Variants in LGSN observed in about 807,000 individuals in gnomAD.
LGSN encodes the protein lengsin, lens protein with glutamine synthetase domain.
In LGSN, 21 loss-of-function variants were observed where a neutral mutation model predicts 19.5. That is an observed-to-expected ratio of 1.07 (90% CI 0.76 to 1.55). The LOEUF is 1.55. LGSN is among the 40% of genes most tolerant of loss of function. The probability of loss-of-function intolerance (pLI) is 0.00; values close to 1 mark genes in which losing one functional copy is unlikely to be tolerated. For synonymous variants in LGSN, 257 were observed against 215.6 expected, an observed-to-expected ratio of 1.19 and a Z score of -1.68; for missense variants, 673 against 608.5, an observed-to-expected ratio of 1.11 and a Z score of -1.12.
At chr6:63,530,084 T>C in the LGSN span, among the ~76,000 whole-genome samples, 1 of 152,180 alleles carries the variant, frequency 6.6e-6, no homozygotes, top group Non-Finnish European at 1.5e-5. Flanking sequence ...AATAACAGTA[T>C]AGATTTCTGA....
At chr6:63,446,243 C>CAAAAAA in the LGSN span, among the ~76,000 whole-genome samples, 3 of 74,734 alleles carry the variant, frequency 4.0e-5, no homozygotes, top group Non-Finnish European at 2.4e-5. Flanking sequence ...GACTGTGTCT[C>CAAAAAA]AAAAAAAAAA....
the LGSN span, among the ~76,000 whole-genome samples, chr6:63,464,764 T>C: frequency 2.0e-5 from 3 of 151,994 alleles, no homozygotes; most frequent in South Asian, 6.2e-4. Context: ...CGGTGGCTCA[T>C]GCCTGTAATC....
chr6:63,420,301 T>C, the LGSN span, among the ~76,000 whole-genome samples: 1 of 152,208 alleles, frequency 6.6e-6, no homozygotes, highest in African/African-American at 2.4e-5. Context: ...AGTAGCCTTT[T>C]GTTTGGCAGT....
At chr6:63,456,390 T>TATATAC in the LGSN span, among the ~76,000 whole-genome samples, 5 of 125,222 alleles carry the variant, frequency 4.0e-5, no homozygotes, top group Non-Finnish European at 8.2e-5. Flanking sequence ...TATATATATA[T>TATATAC]ATACTTTTTT....
At chr6:63,550,357 CACCATTTGGT>C in the LGSN span, 2 of 152,158 alleles carry the variant, frequency 1.3e-5, no homozygotes, top group Non-Finnish European at 2.9e-5. Flanking sequence ...AGGCTTGGGT[CACCATTTGGT>C]GAGCTGAGGG....
At chr6:63,333,847 C>T in the LGSN span, among the ~76,000 whole-genome samples, 13 of 152,096 alleles carry the variant, frequency 8.5e-5, no homozygotes, top group Non-Finnish European at 1.8e-4. Context: ...GAATATGAAA[C>T]ATCACATCAA....
Position 63,279,000 on chromosome 6 carries a change from A to G in LGSN, c.*1021T>C, listed in dbSNP as rs1163173996. ...AGTGGATTTTGGACTTCTTCCCAAA[A>G]GCAGCTAAACTTTTGTGATAGTTAC... On this transcript the variant is annotated 3_prime_UTR_variant, in exon 4 of 4. Transcript: ENST00000370657. 6.6e-6 allele frequency: 1 copy of G among 152,240 alleles called. No individual in the cohort carries two copies. Among genetic ancestry groups the G allele is most frequent in the Non-Finnish European group, 1.5e-5 (1 of 68,040 alleles). The allele number at this position is 152,240 out of a possible 1,614,324, so 9.4% of individuals were successfully genotyped here. A position where few individuals can be genotyped will look rare whatever the true frequency, so the allele number is the denominator to read the frequency against.
chr6:63,539,636 G>A, the LGSN span, among the ~76,000 whole-genome samples: 28 of 152,132 alleles, frequency 1.8e-4, no homozygotes, highest in Middle Eastern at 3.2e-3. Flanking sequence ...ATATTAGCCA[G>A]GCTGTGCCTG....
the LGSN span, among the ~76,000 whole-genome samples, chr6:63,544,020 C>T: frequency 2.0e-5 from 3 of 152,146 alleles, no homozygotes; most frequent in African/African-American, 4.8e-5. Context: ...ATTTCCTTCA[C>T]CACATTGTAA....
the LGSN span, chr6:63,549,388 A>T: frequency 1.3e-6 from 1 of 753,986 alleles, no homozygotes; most frequent in East Asian, 2.4e-5. Context: ...GTCCTGTCCA[A>T]TGTCAAAATT....
the LGSN span, among the ~76,000 whole-genome samples, chr6:63,411,859 A>C: frequency 3.3e-5 from 5 of 152,136 alleles, no homozygotes; most frequent in East Asian, 5.8e-4. Flanking sequence ...AAAAGAAAAA[A>C]AATTGTGCTA....
At chr6:63,394,484 G>A in the LGSN span, among the ~76,000 whole-genome samples, 1 of 152,110 alleles carries the variant, frequency 6.6e-6, no homozygotes, top group Non-Finnish European at 1.5e-5. Flanking sequence ...GGTTTAAAAG[G>A]GGGAGGAACC....
the LGSN span, among the ~76,000 whole-genome samples, chr6:63,403,087 G>C: frequency 2.7e-5 from 4 of 148,662 alleles, no homozygotes; most frequent in South Asian, 8.4e-4. Flanking sequence ...AGATGATAGA[G>C]AGAGAGAGAG....
the LGSN span, among the ~76,000 whole-genome samples, chr6:63,481,593 G>A: frequency 2.0e-5 from 3 of 151,826 alleles, no homozygotes; most frequent in African/African-American, 4.8e-5. Flanking sequence ...TGATCCGCCC[G>A]CCTCAGCCTC....
At chr6:63,313,640 G>A (rs1175840493) in intron 1 of LGSN, among the ~76,000 whole-genome samples, 1 of 151,934 alleles carries the variant, frequency 6.6e-6, no homozygotes, top group Non-Finnish European at 1.5e-5. Context: ...TTTGAGACCA[G>A]CCTGGCCAAC....
chr6:63,456,023 T>C, the LGSN span, among the ~76,000 whole-genome samples: 1 of 151,388 alleles, frequency 6.6e-6, no homozygotes, highest in Non-Finnish European at 1.5e-5. Context: ...AGATCAGGAG[T>C]TCGGGACCAG....
chr6:63,526,048 G>A, the LGSN span, among the ~76,000 whole-genome samples: 1 of 152,178 alleles, frequency 6.6e-6, no homozygotes, highest in Non-Finnish European at 1.5e-5. Flanking sequence ...TTCTAGGCCA[G>A]GCGCAGTGGC....
chr6:63,389,739 T>C, the LGSN span, among the ~76,000 whole-genome samples: 1 of 152,326 alleles, frequency 6.6e-6, no homozygotes, highest in South Asian at 2.1e-4. Context: ...AATCTACTAA[T>C]GGAGACGATC....
chr6:63,423,535 G>A, the LGSN span, among the ~76,000 whole-genome samples: 1 of 150,198 alleles, frequency 6.7e-6, no homozygotes, highest in African/African-American at 2.5e-5. Flanking sequence ...GAGGTGGGAG[G>A]ATCACCTGAA....
Sources: gnomAD v4.1 joint callset for allele counts (sites outside exome capture counted in the v4.1 genomes callset) on GRCh38, gnomAD v4.1.1 for gene constraint, MANE v1.5 for transcripts, NCBI Gene and HGNC (gene_info 2026-07-23, HGNC 2026-07-21) for gene names.